INTS8: variants seen among roughly 807,000 people sequenced by gnomAD.
INTS8 encodes protein kaonashi-1.
A neutral mutation model predicts 138.9 loss-of-function variants in INTS8; 47 were observed. That is an observed-to-expected ratio of 0.34 (90% confidence interval 0.27 to 0.43). The LOEUF (loss-of-function observed/expected upper bound fraction) is 0.43. Among genes scored for constraint, INTS8 ranks in the 20% least tolerant of loss-of-function variants. The probability of loss-of-function intolerance (pLI) is 1.00; values close to 1 mark genes in which losing one functional copy is unlikely to be tolerated. For synonymous variants in INTS8, 392 were observed against 400.9 expected, an observed-to-expected ratio of 0.98 and a Z score of 0.27; for missense variants, 996 against 1,173.0, an observed-to-expected ratio of 0.85 and a Z score of 2.20.
At chr8:94,838,865 C>T (rs995484354) in intron 8 of INTS8, among the ~76,000 whole-genome samples, 1 of 152,168 alleles carries the variant, frequency 6.6e-6, no homozygotes, top group African/African-American at 2.4e-5. Flanking sequence ...TTGCTGTTAT[C>T]TTAAAGGTAT....
At chr8:94,857,070 TC>T (rs371220132) in intron 15 of INTS8, 92 bp downstream of exon 15, 79 of 767,442 alleles carry the variant, frequency 1.0e-4, no homozygotes, top group Non-Finnish European at 1.3e-4. Context: ...GAGTTTGTAA[TC>T]TTTTTTTTTT....
At position 94,823,373 on chromosome 8, in the gene INTS8, A is replaced by G; in HGVS notation, c.-59A>G. On this transcript the variant is annotated 5_prime_UTR_variant, in exon 1 of 27. Transcript: ENST00000523731. ...CCGCATACCCCAGGCACCGGCCCGC[A>G]TCCAAGTGTCAGGTTGGAGCCGGGA... The G allele has an allele frequency of 6.6e-7, 1 of 1,504,792 alleles. No individual in the cohort carries two copies. The highest frequency in any genetic ancestry group is 1.4e-5 in the African/African-American group (1 of 71,856). 93.2% of individuals were successfully genotyped at this position (1,504,792 alleles called of 1,614,324 possible).
intron 16 of INTS8, 40 bp downstream of exon 16, chr8:94,859,672 T>C (rs747236340): frequency 6.6e-7 from 1 of 1,511,620 alleles, no homozygotes; most frequent in Non-Finnish European, 9.1e-7. Flanking sequence ...AGGATGGTAT[T>C]ATTATACTTG....
intron 15 of INTS8, 93 bp downstream of exon 15, chr8:94,857,071 CTT>C (rs376956021): frequency 0.043 from 22,472 of 523,674 alleles, no homozygotes; most frequent in East Asian, 0.06. Flanking sequence ...AGTTTGTAAT[CTT>C]TTTTTTTTTT....
At chr8:94,878,197 A>G (rs1171400154) in intron 26 of INTS8, among the ~76,000 whole-genome samples, 2 of 152,128 alleles carry the variant, frequency 1.3e-5, no homozygotes, top group Non-Finnish European at 1.5e-5. Context: ...CCACTGCCAA[A>G]CAAGTCTCCA....
rs1816193638 is a variant in INTS8, at chr8:94,866,836, T to C, written c.2296-304T>C. On this transcript the variant is annotated intron_variant, in intron 18 of 26. Coordinates refer to ENST00000523731, the MANE Select transcript of INTS8 (RefSeq NM_017864.4). ...TTGGACGTAACCTAGGTTTCACTCT[T>C]TGAACATTATTTTAAGGGATAAAAA... 1.4e-5 allele frequency: 4 copies of C among 290,336 alleles called. No individual in the cohort carries two copies. The Admixed American group carries it at 1.5e-4, about 11-fold the overall frequency. 18.0% of individuals were successfully genotyped at this position (290,336 alleles called of 1,614,324 possible). A position where few individuals can be genotyped will look rare whatever the true frequency, so the allele number is the denominator to read the frequency against.
chr8:94,871,473 G>A (rs1449474232), intron 20 of INTS8, among the ~76,000 whole-genome samples: 5 of 149,744 alleles, frequency 3.3e-5, no homozygotes, highest in East Asian at 1.9e-4. Flanking sequence ...GTGAGACTCC[G>A]TCTCAAAAAA....
intron 15 of INTS8, among the ~76,000 whole-genome samples, chr8:94,857,699 A>G (rs1815803747): frequency 1.3e-5 from 2 of 152,164 alleles, no homozygotes; most frequent in African/African-American, 2.4e-5. Flanking sequence ...CTGTCTTCAC[A>G]TGGCCTTCCC....
At chr8:94,842,756 C>T (rs182477994) in intron 10 of INTS8, among the ~76,000 whole-genome samples, 1 of 152,264 alleles carries the variant, frequency 6.6e-6, no homozygotes, top group East Asian at 1.9e-4. Flanking sequence ...TATTTCTGTT[C>T]ATAGAACTTT....
Position 94,853,811 on chromosome 8 carries a change from G to C in INTS8, c.1648G>C (p.Val550Leu). The C allele has an allele frequency of 6.3e-7, 1 of 1,593,106 alleles. No homozygotes were observed. Among genetic ancestry groups the C allele is most frequent in the Non-Finnish European group, 8.6e-7 (1 of 1,161,020 alleles). The change falls in exon 14 of 27, where the codon GTA becomes CTA. Residue 550 changes from valine to leucine, a missense_variant. Transcript: ENST00000523731. The part of the protein sequence containing the change: ...QFWTVSNKWE[V>L]PSVYSGVILG... ...TATTTTTTGTTTCTTTTAGTGGGAAGTACCTTCTGTCTATAGTGGTGTTAT... is the reference window on the plus strand; with the variant it reads ...TATTTTTTGTTTCTTTTAGTGGGAACTACCTTCTGTCTATAGTGGTGTTAT...
chr8:94,877,117 G>T (rs2131080534), intron 26 of INTS8, among the ~76,000 whole-genome samples: 1 of 152,056 alleles, frequency 6.6e-6, no homozygotes, highest in African/African-American at 2.4e-5. Context: ...GTCATAGTTG[G>T]TCCCTAGAAT....
intron 16 of INTS8, among the ~76,000 whole-genome samples, chr8:94,863,065 T>C (rs982898332): frequency 6.6e-6 from 1 of 152,176 alleles, no homozygotes; most frequent in Non-Finnish European, 1.5e-5. Flanking sequence ...AATATAAAAC[T>C]GTCTAGTCTG....
intron 1 of INTS8, among the ~76,000 whole-genome samples, chr8:94,824,318 T>G (rs1402610872): frequency 2.0e-5 from 3 of 152,248 alleles, no homozygotes; most frequent in African/African-American, 7.2e-5. Context: ...GTTAGTGTAC[T>G]TAGGCAGTTT....
At chr8:94,836,442 T>G in intron 6 of INTS8, 82 bp from the exon 7 acceptor site, 18 of 1,000,318 alleles carry the variant, frequency 1.8e-5, no homozygotes, top group Non-Finnish European at 1.5e-5. Context: ...TGTGTTTTCG[T>G]GAGATAAAGA....
Position 94,852,778 on chromosome 8 carries a change from G to A in INTS8, c.1642-1027G>A, listed in dbSNP as rs568881455. 4.7e-4 allele frequency among the ~76,000 whole-genome samples: 72 copies of A among 151,898 alleles called. 2 individuals carry two copies. Among genetic ancestry groups the A allele is most frequent in the African/African-American group, 1.7e-3 (72 of 41,466 alleles). ...TGAATTTTGTATTTTTAGTAGATAC[G>A]GGTTTCTCCATGTTGTTCTCCATGT... On this transcript the variant is annotated intron_variant, in intron 13 of 26. Coordinates refer to ENST00000523731, the MANE Select transcript of INTS8 (RefSeq NM_017864.4).
intron 7 of INTS8, 51 bp downstream of exon 7, chr8:94,836,682 T>G: frequency 8.7e-7 from 1 of 1,143,790 alleles, no homozygotes; most frequent in Non-Finnish European, 1.3e-6. Flanking sequence ...AAAACATCTA[T>G]ACATTTTTTT....
rs202077857 is a variant in INTS8 at position 94,867,104 on chromosome 8, A to G, written c.2296-36A>G. ...GGAGCAATATTAAATAAATATACATACACTGTTTAAGGATTCTGTGTTTTC... is the reference window on the plus strand; with the variant it reads ...GGAGCAATATTAAATAAATATACATGCACTGTTTAAGGATTCTGTGTTTTC... On this transcript the variant is annotated intron_variant, in intron 18 of 26. Transcript: ENST00000523731. The G allele has an allele frequency of 1.3e-4, 194 of 1,469,090 alleles. No individual in the cohort carries two copies. The African/African-American group carries it at 2.6e-3, about 20-fold the overall frequency. The allele number at this position is 1,469,090 out of a possible 1,614,324, so 91.0% of individuals were successfully genotyped here.
intron 20 of INTS8, chr8:94,868,591 C>T (rs1816268748): frequency 6.6e-6 from 1 of 152,216 alleles, no homozygotes; most frequent in Non-Finnish European, 1.5e-5. Context: ...TCCTGTGTTC[C>T]TGATTTTTAT....
chr8:94,824,870 A>T (rs112456957), intron 1 of INTS8, 23 bp from the exon 2 acceptor site: 69,141 of 1,487,052 alleles, frequency 0.046, 1,789 homozygotes, highest in Middle Eastern at 0.071. Context: ...AAATTTAAGA[A>T]TTTATTTTCT....
Sources: gnomAD v4.1 joint callset for allele counts (sites outside exome capture counted in the v4.1 genomes callset) on GRCh38, gnomAD v4.1.1 for gene constraint, MANE v1.5 for transcripts, NCBI Gene and HGNC (gene_info 2026-07-23, HGNC 2026-07-21) for gene names.